Variants in THSD7B observed in about 807,000 individuals in gnomAD.
THSD7B encodes the protein thrombospondin type 1 domain containing 7B.
In THSD7B, 138 loss-of-function variants were observed where a neutral mutation model predicts 213.6. The ratio of observed to expected loss-of-function variants is 0.65; its 90% CI spans 0.56 to 0.74. THSD7B has a LOEUF of 0.74. Ranked by LOEUF, THSD7B falls within the 30% of genes least tolerant of loss-of-function variation. The pLI, the probability that THSD7B is intolerant of heterozygous loss-of-function variation, is 0.00. For missense variants in THSD7B, 1,931 were observed against 1,991.5 expected (o/e 0.97, Z 0.58); for synonymous variants, 742 against 687.0 (o/e 1.08, Z -1.25).
chr2:136,938,415 AT>A (rs71855660), intron 2 of THSD7B, among the ~76,000 whole-genome samples: 11,312 of 151,374 alleles, frequency 0.075, 690 homozygotes, highest in African/African-American at 0.16. Context: ...GATCAAGCAT[AT>A]TTTTTTTTGT....
Position 137,677,524 on chromosome 2 carries a change from A to G in THSD7B, c.*919A>G, listed in dbSNP as rs1163589844. ...ATTTAATTATCTGACCTCATTTAAT[A>G]TACATCAAACACCGATCCTGTTTGT... On this transcript the variant is annotated 3_prime_UTR_variant, in exon 28 of 28. Coordinates refer to ENST00000409968, the MANE Select transcript of THSD7B (RefSeq NM_001316349.2). The G allele has an allele frequency of 6.6e-6, 1 of 152,646 alleles. No individual in the cohort carries two copies. The highest frequency in any genetic ancestry group is 2.4e-5 in the African/African-American group (1 of 41,448). The allele number at this position is 152,646 out of a possible 1,614,324, so 9.5% of individuals were successfully genotyped here.
intron 17 of THSD7B, among the ~76,000 whole-genome samples, chr2:137,586,973 C>G (rs183971311): frequency 8.3e-4 from 126 of 152,340 alleles, no homozygotes; most frequent in Middle Eastern, 3.4e-3. Context: ...TCAGGTACAC[C>G]AATCAGACAT....
intron 1 of THSD7B, among the ~76,000 whole-genome samples, chr2:136,793,973 T>G (rs929348890): frequency 4.6e-5 from 7 of 151,802 alleles, no homozygotes; most frequent in African/African-American, 1.7e-4. Context: ...TAATTTGTGT[T>G]TTTTTTGTGA....
chr2:137,349,901 T>G (rs1369943894), intron 12 of THSD7B, among the ~76,000 whole-genome samples: 3 of 151,838 alleles, frequency 2.0e-5, no homozygotes, highest in African/African-American at 7.2e-5. Flanking sequence ...AGATAAAGCA[T>G]CAGGTGTGAC....
At chr2:137,503,937 G>T (rs937986642) in intron 15 of THSD7B, among the ~76,000 whole-genome samples, 8 of 150,798 alleles carry the variant, frequency 5.3e-5, no homozygotes, top group East Asian at 2.0e-4. Context: ...TGAGGCAGGA[G>T]AATCGCTTGA....
chr2:137,208,879 T>G (rs1161721528), intron 7 of THSD7B, among the ~76,000 whole-genome samples: 1 of 152,060 alleles, frequency 6.6e-6, no homozygotes, highest in Non-Finnish European at 1.5e-5. Context: ...ATAGCAATGC[T>G]GTGTGCAGGA....
intron 7 of THSD7B, among the ~76,000 whole-genome samples, chr2:137,216,010 G>A (rs1048901510): frequency 6.6e-6 from 1 of 152,048 alleles, no homozygotes; most frequent in African/African-American, 2.4e-5. Flanking sequence ...TTGAATAAAA[G>A]GCATAATAAA....
intron 15 of THSD7B, among the ~76,000 whole-genome samples, chr2:137,513,647 GTTA>G (rs1312368858): frequency 6.6e-6 from 1 of 152,066 alleles, no homozygotes; most frequent in East Asian, 1.9e-4. Context: ...CATTAAAAAA[GTTA>G]TTATTATTTT....
intron 17 of THSD7B, among the ~76,000 whole-genome samples, chr2:137,592,184 A>G (rs1681878577): frequency 6.6e-6 from 1 of 151,820 alleles, no homozygotes; most frequent in Non-Finnish European, 1.5e-5. Context: ...AAACTTAAAT[A>G]CATATTTCTC....
At chr2:137,088,515 C>G (rs1391102748) in intron 3 of THSD7B, among the ~76,000 whole-genome samples, 1 of 151,118 alleles carries the variant, frequency 6.6e-6, no homozygotes, top group Non-Finnish European at 1.5e-5. Flanking sequence ...AGGCATGAAA[C>G]TTTAAAAATT....
At chr2:136,860,373 G>C (rs2115839) in intron 1 of THSD7B, among the ~76,000 whole-genome samples, 27,208 of 152,156 alleles carry the variant, frequency 0.18, 2,942 homozygotes, top group Non-Finnish European at 0.24. Flanking sequence ...GCCCAAGGCT[G>C]TCCTCTAAAC....
At chr2:137,272,793 T>C in intron 11 of THSD7B, 131 bp downstream of exon 11, 1 of 976,434 alleles carries the variant, frequency 1.0e-6, no homozygotes, top group Non-Finnish European at 1.5e-6. Flanking sequence ...CTTCAAATAC[T>C]TTAATATTCT....
At chr2:137,169,423 C>A (rs181279577) in intron 6 of THSD7B, among the ~76,000 whole-genome samples, 1 of 151,720 alleles carries the variant, frequency 6.6e-6, no homozygotes, top group African/African-American at 2.4e-5. Flanking sequence ...TCCAACTATA[C>A]CTTGAGGTGT....
chr2:136,916,441 C>T (rs1050953350), intron 2 of THSD7B, among the ~76,000 whole-genome samples: 4 of 152,240 alleles, frequency 2.6e-5, no homozygotes, highest in Admixed American at 6.5e-5. Context: ...TTCCTTCCAC[C>T]AGCAATGCAA....
intron 12 of THSD7B, among the ~76,000 whole-genome samples, chr2:137,291,376 A>G (rs1471599235): frequency 6.6e-6 from 1 of 152,172 alleles, no homozygotes; most frequent in Admixed American, 6.5e-5. Context: ...AAATGCAGAA[A>G]ATGTACCTTA....
intron 9 of THSD7B, among the ~76,000 whole-genome samples, chr2:137,236,104 T>C (rs551950193): frequency 1.3e-5 from 2 of 152,312 alleles, no homozygotes; most frequent in African/African-American, 4.8e-5. Context: ...TTTTTGCTCT[T>C]TTTCACATGA....
At chr2:137,023,831 G>A (rs532906261) in intron 2 of THSD7B, among the ~76,000 whole-genome samples, 1 of 152,162 alleles carries the variant, frequency 6.6e-6, no homozygotes, top group South Asian at 2.1e-4. Context: ...GTGGGTATGA[G>A]CCACCTACAT....
intron 3 of THSD7B, among the ~76,000 whole-genome samples, chr2:137,083,672 A>G (rs1687787780): frequency 6.6e-6 from 1 of 152,118 alleles, no homozygotes; most frequent in South Asian, 2.1e-4. Context: ...AATCTATCTC[A>G]GTTCTGGTTC....
chr2:137,135,261 C>T (rs1679415556), intron 5 of THSD7B, among the ~76,000 whole-genome samples: 1 of 152,126 alleles, frequency 6.6e-6, no homozygotes, highest in South Asian at 2.1e-4. Flanking sequence ...CTTCCATTCT[C>T]TTAGCTTTCT....
Sources: gnomAD v4.1 joint callset for allele counts (sites outside exome capture counted in the v4.1 genomes callset) on GRCh38, gnomAD v4.1.1 for gene constraint, MANE v1.5 for transcripts, NCBI Gene and HGNC (gene_info 2026-07-23, HGNC 2026-07-21) for gene names.